Variants in IGF2R observed in about 807,000 individuals in gnomAD.
IGF2R encodes insulin like growth factor 2 receptor, also known as cation-independent mannose-6-phosphate receptor.
In IGF2R, 91 loss-of-function variants were observed where a neutral mutation model predicts 270.6. The observed-to-expected ratio is 0.34, with a 90% confidence interval of 0.28 to 0.40. The LOEUF (loss-of-function observed/expected upper bound fraction) is 0.40. IGF2R is among the 10% of genes least tolerant of loss of function. The pLI is 1.00. For missense variants in IGF2R, 2,805 were observed against 3,188.3 expected (o/e 0.88, Z 2.90); for synonymous variants, 1,316 against 1,258.9 (o/e 1.05, Z -0.96).
intron 29 of IGF2R, among the ~76,000 whole-genome samples, chr6:160,066,772 G>T (rs771616351): frequency 2.6e-5 from 4 of 152,108 alleles, no homozygotes; most frequent in African/African-American, 4.8e-5. Context: ...TCTTTCCTCT[G>T]CCTTGGCTTT....
rs894717391 is a variant in IGF2R at position 160,109,058 on chromosome 6, C to G, written c.*3974C>G. ...TATTTGTATTTCTTTACCTTTTATG[C>G]TATCTTGTAGTTTGACCAGTTTGCA... On this transcript the variant is annotated 3_prime_UTR_variant, in exon 48 of 48. Coordinates refer to ENST00000356956, the MANE Select transcript of IGF2R (RefSeq NM_000876.4). 6.6e-6 allele frequency: 1 copy of G among 152,210 alleles called. No homozygotes were observed. Among genetic ancestry groups the G allele is most frequent in the Admixed American group, 6.5e-5 (1 of 15,270 alleles). The allele number at this position is 152,210 out of a possible 1,614,324, so 9.4% of individuals were successfully genotyped here.
At chr6:160,052,451 A>G (rs1015791840) in intron 19 of IGF2R, among the ~76,000 whole-genome samples, 9 of 152,244 alleles carry the variant, frequency 5.9e-5, no homozygotes, top group African/African-American at 2.2e-4. Context: ...AACAAATGGA[A>G]GAATATTCCA....
At chr6:159,972,450 C>G (rs1463284749) in intron 1 of IGF2R, among the ~76,000 whole-genome samples, 1 of 152,210 alleles carries the variant, frequency 6.6e-6, no homozygotes, top group Non-Finnish European at 1.5e-5. Flanking sequence ...TTGGAGCACC[C>G]AGACACCATA....
chr6:160,098,458 G>A (rs916815094), intron 45 of IGF2R, among the ~76,000 whole-genome samples: 3 of 152,184 alleles, frequency 2.0e-5, no homozygotes, highest in Non-Finnish European at 2.9e-5. Context: ...TACCACCCGG[G>A]GGTGACGTGG....
intron 29 of IGF2R, among the ~76,000 whole-genome samples, chr6:160,065,665 C>G (rs1778555243): frequency 6.6e-6 from 1 of 151,720 alleles, no homozygotes; most frequent in African/African-American, 2.4e-5. Context: ...ATCCCCAGTT[C>G]ACTTAGCAGT....
chr6:160,107,605 C>A lies in IGF2R; in HGVS notation c.*2521C>A, dbSNP rs557258920. 1 of 152,164 alleles carries A rather than the reference C, an allele frequency of 6.6e-6. No individual in the cohort carries two copies. Among genetic ancestry groups the A allele is most frequent in the South Asian group, 2.1e-4 (1 of 4,820 alleles). The allele number at this position is 152,164 out of a possible 1,614,324, so 9.4% of individuals were successfully genotyped here. A position where few individuals can be genotyped will look rare whatever the true frequency, so the allele number is the denominator to read the frequency against. On this transcript the variant is annotated 3_prime_UTR_variant, in exon 48 of 48. Transcript: ENST00000356956. ...TTCCTTTCAACAAAATTTTTTGTGC[C>A]CCTTTCTTGAGACTGTCCATGAATG...
chr6:159,991,742 T>C (rs1265978090), intron 2 of IGF2R, among the ~76,000 whole-genome samples: 1 of 152,188 alleles, frequency 6.6e-6, no homozygotes, highest in Non-Finnish European at 1.5e-5. Flanking sequence ...TCCCAGACAG[T>C]GTTTCTGCTG....
rs1779547225 is a variant in IGF2R at position 160,103,756 on chromosome 6, A to G, written c.7006A>G (p.Ile2336Val). 6.2e-7 allele frequency: 1 copy of G among 1,608,890 alleles called. No individual in the cohort carries two copies. Among genetic ancestry groups the G allele is most frequent in the Non-Finnish European group, 8.5e-7 (1 of 1,175,270 alleles). Residue 2336 changes from isoleucine to valine, a missense_variant, in exon 47 of 48, where the codon ATA becomes GTA. Ile to Val is a conservative substitution (Grantham distance 29). Around this residue, in one of 2 missense-constraint regions of IGF2R, gnomAD observed 1,851 missense variants for 2,207.2 expected, o/e 0.84. Coordinates refer to ENST00000356956, the MANE Select transcript of IGF2R (RefSeq NM_000876.4). ...CCTTTTTTTTTATAGGGAAACAGTGATAAGTAAGCTGACCACTTGCTGTAG... is the reference window on the plus strand; with the variant it reads ...CCTTTTTTTTTATAGGGAAACAGTGGTAAGTAAGCTGACCACTTGCTGTAG... ...LYKKERRETV[I>V]SKLTTCCRRS...
At chr6:159,994,634 A>C (rs1784025770) in intron 2 of IGF2R, among the ~76,000 whole-genome samples, 1 of 151,836 alleles carries the variant, frequency 6.6e-6, no homozygotes, top group Non-Finnish European at 1.5e-5. Context: ...GTTTTGGTCC[A>C]TTGTGTCTCT....
chr6:159,996,391 C>T (rs1784054138), intron 2 of IGF2R, among the ~76,000 whole-genome samples: 1 of 152,108 alleles, frequency 6.6e-6, no homozygotes, highest in South Asian at 2.1e-4. Flanking sequence ...TTGCTTCAGG[C>T]AGTGGAGTGG....
chr6:160,046,549 T>C lies in IGF2R; in HGVS notation c.1955T>C (p.Val652Ala), dbSNP rs749794031. 3.1e-6 allele frequency: 5 copies of C among 1,613,990 alleles called. No individual in the cohort carries two copies. In the East Asian group the frequency reaches 6.7e-5, roughly 22 times the overall value. Residue 652 changes from valine (V) to alanine (A), a missense_variant, in exon 15 of 48, where the codon GTT (valine) becomes GCT (alanine). Coordinates refer to ENST00000356956, the MANE Select transcript of IGF2R (RefSeq NM_000876.4). Reference protein sequence around the residue: ...PLTKKNGAYKVETKKYDFYIN... With the variant: ...PLTKKNGAYKAETKKYDFYIN... Reference sequence around the variant, plus strand: ...ACAAAGAAAAATGGTGCCTATAAAGTTGAGACAAAGAAGTATGACTTTTAT... The same window carrying C: ...ACAAAGAAAAATGGTGCCTATAAAGCTGAGACAAAGAAGTATGACTTTTAT...
At chr6:160,029,387 G>A (rs1383991504) in intron 6 of IGF2R, among the ~76,000 whole-genome samples, 163 bp from the exon 7 acceptor site, 2 of 150,468 alleles carry the variant, frequency 1.3e-5, no homozygotes, top group Non-Finnish European at 3.0e-5. Flanking sequence ...TTTTTCAAAT[G>A]GAAATAAAGT....
Position 160,044,584 on chromosome 6 carries a change from C to G in IGF2R, c.1692C>G (p.Leu564=), listed in dbSNP as rs773927225. Residue 564 remains leucine (L), a synonymous_variant, in exon 13 of 48, where the codon CTC becomes CTG. Coordinates refer to ENST00000356956, the MANE Select transcript of IGF2R (RefSeq NM_000876.4). ...TGAAAGAGAAAGGAAACATTCAACT[C>G]TCTTATTCAGATGGTGATGATTGTG... ...SPMKEKGNIQ[L]SYSDGDDCGH... is the part of the protein sequence containing the mutation. 2.5e-6 allele frequency: 4 copies of G among 1,609,308 alleles called. No individual in the cohort carries two copies. Among genetic ancestry groups the G allele is most frequent in the South Asian group, 2.2e-5 (2 of 90,518 alleles).
At chr6:159,983,322 T>TAA (rs1372940987) in intron 1 of IGF2R, among the ~76,000 whole-genome samples, 1 of 152,232 alleles carries the variant, frequency 6.6e-6, no homozygotes, top group Non-Finnish European at 1.5e-5. Flanking sequence ...GTTACTTGTG[T>TAA]GCTTCCTTCT....
Position 160,073,332 on chromosome 6 carries a change from C to T in IGF2R, c.4810C>T (p.Leu1604=). The T allele has an allele frequency of 3.1e-6, 5 of 1,614,272 alleles. No individual in the cohort carries two copies. The highest frequency in any genetic ancestry group is 4.2e-6 in the Non-Finnish European group (5 of 1,180,050). ...DGSPCPSKSG[L]SYKSVISFVC... is the part of the protein sequence containing the mutation. The stretch of plus-strand genomic sequence containing the variant: ...GTCCCCTTGTCCCTCCAAATCCGGC[C>T]TGAGCTATAAGAGTGTGATCAGTTT... Residue 1604 remains leucine (L), a synonymous_variant, in exon 34 of 48, where the codon CTG becomes TTG. Coordinates refer to ENST00000356956, the MANE Select transcript of IGF2R (RefSeq NM_000876.4).
intron 29 of IGF2R, among the ~76,000 whole-genome samples, chr6:160,067,348 A>G (rs1778607916): frequency 6.6e-6 from 1 of 151,780 alleles, no homozygotes; most frequent in Non-Finnish European, 1.5e-5. Flanking sequence ...ACTGTCTAAA[A>G]TTTCAACAGC....
At chr6:160,013,257 G>A (rs1784365808) in intron 4 of IGF2R, among the ~76,000 whole-genome samples, 1 of 152,004 alleles carries the variant, frequency 6.6e-6, no homozygotes, top group South Asian at 2.1e-4. Flanking sequence ...TACAGCCCAT[G>A]GTTCAAAGCC....
In IGF2R at chr6:160,105,353, A is replaced by C; in HGVS notation, c.*269A>C. 2.4e-6 allele frequency: 1 copy of C among 410,948 alleles called. No homozygotes were observed. Among genetic ancestry groups the C allele is most frequent in the East Asian group, 4.1e-5 (1 of 24,572 alleles). 25.5% of individuals were successfully genotyped at this position (410,948 alleles called of 1,614,324 possible). ...TTGCCCCAAGTCCTCATTTAAAAGC[A>C]TAAGGCCGGACGCATCTCAAAACAG... is the stretch of plus-strand genomic sequence containing the variant. On this transcript the variant is annotated 3_prime_UTR_variant, in exon 48 of 48. Coordinates refer to ENST00000356956, the MANE Select transcript of IGF2R (RefSeq NM_000876.4).
chr6:159,971,357 C>G (rs1783606087), intron 1 of IGF2R, among the ~76,000 whole-genome samples: 1 of 152,110 alleles, frequency 6.6e-6, no homozygotes, highest in African/African-American at 2.4e-5. Flanking sequence ...GTTTTTCTGG[C>G]CACTGTCACA....
Sources: gnomAD v4.1 joint callset for allele counts (sites outside exome capture counted in the v4.1 genomes callset) on GRCh38, gnomAD v4.1.1 for gene constraint, gnomAD v4.1.1 regional missense constraint, MANE v1.5 for transcripts, NCBI Gene and HGNC (gene_info 2026-07-23, HGNC 2026-07-21) for gene names.